Variants in TGFBR2 observed in about 807,000 individuals in gnomAD.
TGFBR2 encodes TGF-beta receptor type-2.
Under a neutral mutation model 49.0 loss-of-function variants are expected in TGFBR2, and 18 were observed. The ratio of observed to expected loss-of-function variants is 0.37; its 90% CI spans 0.25 to 0.54. The LOEUF (loss-of-function observed/expected upper bound fraction) is 0.54. Among genes scored for constraint, TGFBR2 ranks in the 20% least tolerant of loss-of-function variants. TGFBR2 has a pLI of 0.85. For missense variants in TGFBR2, 525 were observed against 722.6 expected (o/e 0.73, Z 3.13); for synonymous variants, 282 against 275.9 (o/e 1.02, Z -0.22).
chr3:30,629,103 C>T (rs759942391), intron 1 of TGFBR2, among the ~76,000 whole-genome samples: 2 of 152,194 alleles, frequency 1.3e-5, no homozygotes, highest in Non-Finnish European at 2.9e-5. Context: ...GAACGCAGGT[C>T]CTTTTGAATT....
chr3:30,633,494 C>T (rs1428181278), intron 1 of TGFBR2, among the ~76,000 whole-genome samples: 3 of 152,078 alleles, frequency 2.0e-5, no homozygotes, highest in African/African-American at 7.2e-5. Flanking sequence ...TAGTTAAACC[C>T]TAATATTAGA....
intron 1 of TGFBR2, among the ~76,000 whole-genome samples, chr3:30,607,439 G>T (rs1470436106): frequency 6.6e-6 from 1 of 152,240 alleles, no homozygotes; most frequent in Non-Finnish European, 1.5e-5. Context: ...CAGCTCCTCA[G>T]TCCTTAGCTC....
At chr3:30,663,767 A>G (rs72850809) in intron 3 of TGFBR2, among the ~76,000 whole-genome samples, 8,517 of 152,186 alleles carry the variant, frequency 0.056, 795 homozygotes, top group African/African-American at 0.2. Context: ...AGTGGTTACA[A>G]GAGTGTTGAT....
chr3:30,657,100 C>T (rs1245612160), intron 3 of TGFBR2, among the ~76,000 whole-genome samples: 1 of 152,190 alleles, frequency 6.6e-6, no homozygotes, highest in Non-Finnish European at 1.5e-5. Context: ...TTTCCAAGAT[C>T]TCATAGTTTG....
At chr3:30,647,077 C>A (rs1315726744) in intron 2 of TGFBR2, among the ~76,000 whole-genome samples, 1 of 152,158 alleles carries the variant, frequency 6.6e-6, no homozygotes, top group African/African-American at 2.4e-5. Flanking sequence ...ATAGTGCCCT[C>A]CTTGATCCTC....
intron 1 of TGFBR2, among the ~76,000 whole-genome samples, chr3:30,612,294 C>T (rs994841909): frequency 2.0e-5 from 3 of 152,168 alleles, no homozygotes; most frequent in Non-Finnish European, 4.4e-5. Context: ...TGCTCAGGGT[C>T]TCTCTGGAGT....
At position 30,676,763 on chromosome 3, in the gene TGFBR2, T is replaced by C. The variant is rs573972972; in HGVS notation, c.1396+2517T>C. 6.6e-6 allele frequency among the ~76,000 whole-genome samples: 1 copy of C among 152,348 alleles called. No individual in the cohort carries two copies. The highest frequency in any genetic ancestry group is 1.9e-4 in the East Asian group (1 of 5,186). On this transcript the variant is annotated intron_variant, in intron 5 of 6. Transcript: ENST00000295754. This position sits in a 1 kb window ranked among gnomAD's most constrained non-coding sequence, Gnocchi z 4.3. ...ATCCTGCACCCTGCTGAACCTCACATGTTTTCCTGAGACCCCCGCATGGGG... is the reference window on the plus strand; with the variant it reads ...ATCCTGCACCCTGCTGAACCTCACACGTTTTCCTGAGACCCCCGCATGGGG...
intron 3 of TGFBR2, among the ~76,000 whole-genome samples, chr3:30,664,149 A>ATT (rs35145271): frequency 3.3e-4 from 48 of 146,720 alleles, no homozygotes; most frequent in Admixed American, 6.1e-4. Context: ...CATCCAGCTA[A>ATT]TTTTTTTTTT....
At chr3:30,660,707 T>C (rs1484550469) in intron 3 of TGFBR2, among the ~76,000 whole-genome samples, 1 of 152,230 alleles carries the variant, frequency 6.6e-6, no homozygotes, top group Non-Finnish European at 1.5e-5. Context: ...TCTACAACAA[T>C]TTACAAGCAA....
intron 5 of TGFBR2, among the ~76,000 whole-genome samples, chr3:30,679,393 A>G (rs970398627): frequency 2.6e-5 from 4 of 152,200 alleles, no homozygotes; most frequent in African/African-American, 9.6e-5. Context: ...GAACAGCACT[A>G]CACTGGAGAA....
chr3:30,607,756 T>C (rs2125439820), intron 1 of TGFBR2, among the ~76,000 whole-genome samples: 1 of 149,208 alleles, frequency 6.7e-6, no homozygotes, highest in Middle Eastern at 3.4e-3. Context: ...ACCCACCTGA[T>C]CGCTGTCTCT....
chr3:30,684,178 A>T (rs777361431), intron 5 of TGFBR2, among the ~76,000 whole-genome samples: 9 of 152,158 alleles, frequency 5.9e-5, no homozygotes, highest in Non-Finnish European at 1.2e-4. Flanking sequence ...GATCGCTGCA[A>T]TTGAATATCA....
At chr3:30,686,025 T>G (rs1699614490) in intron 5 of TGFBR2, among the ~76,000 whole-genome samples, 1 of 152,206 alleles carries the variant, frequency 6.6e-6, no homozygotes, top group Admixed American at 6.5e-5. Context: ...GATTACAAGA[T>G]AAATCTGAAG....
chr3:30,644,755 G>A lies in TGFBR2; in HGVS notation c.103G>A (p.Asp35Asn), dbSNP rs984098699. The A allele has an allele frequency of 6.8e-6, 11 of 1,613,964 alleles. No individual in the cohort carries two copies. The highest frequency in any genetic ancestry group is 2.7e-5 in the African/African-American group (2 of 75,028). Residue 35 changes from aspartate (D) to asparagine (N), a missense_variant, in exon 2 of 7, where the codon GAC becomes AAC. Physicochemically the swap from Asp to Asn is conservative, Grantham distance 23. Transcript: ENST00000295754. ...TCTTTCTCTCTCCTCAGTTAATAAC[G>A]ACATGATAGTCACTGACAACAACGG... The part of the protein sequence containing the change: ...PPHVQKSVNN[D>N]MIVTDNNGAV...
At chr3:30,659,878 C>A (rs1699085976) in intron 3 of TGFBR2, among the ~76,000 whole-genome samples, 1 of 151,668 alleles carries the variant, frequency 6.6e-6, no homozygotes, top group African/African-American at 2.4e-5. Context: ...TCTCAGTGTC[C>A]CACCAGGGGA....
chr3:30,612,052 C>T (rs1698040237), intron 1 of TGFBR2, among the ~76,000 whole-genome samples: 1 of 152,172 alleles, frequency 6.6e-6, no homozygotes, highest in East Asian at 1.9e-4. Flanking sequence ...GTACTTGTTG[C>T]TTGTGACTGA....
chr3:30,616,074 A>T (rs1315388588), intron 1 of TGFBR2, among the ~76,000 whole-genome samples: 1 of 152,010 alleles, frequency 6.6e-6, no homozygotes, highest in Non-Finnish European at 1.5e-5. Flanking sequence ...ATAAATATTC[A>T]CTTTATTCTT....
chr3:30,667,570 G>C (rs756252767), intron 3 of TGFBR2, among the ~76,000 whole-genome samples: 1 of 152,138 alleles, frequency 6.6e-6, no homozygotes, highest in Non-Finnish European at 1.5e-5. Flanking sequence ...TAAAACTTTG[G>C]TTTCTGACAT....
chr3:30,631,622 T>C (rs1053351406), intron 1 of TGFBR2, among the ~76,000 whole-genome samples: 1 of 18,992 alleles, frequency 5.3e-5, no homozygotes, highest in East Asian at 2.1e-3. Context: ...AACTTCTTTC[T>C]TTTTTTTTTT....
Sources: allele counts gnomAD v4.1 joint callset (sites outside exome capture counted in the v4.1 genomes callset), GRCh38; gene constraint gnomAD v4.1.1; non-coding constraint Gnocchi (gnomAD v3.1); transcripts MANE v1.5; gene names NCBI Gene and HGNC (gene_info 2026-07-23, HGNC 2026-07-21).